CSMD2: variants seen among roughly 807,000 people sequenced by gnomAD.
CSMD2 encodes CUB and sushi domain-containing protein 2.
CSMD2 carries 130 observed loss-of-function variants against 398.5 expected under a neutral mutation model. That is an observed-to-expected ratio of 0.33 (90% confidence interval 0.28 to 0.38). The LOEUF is 0.38. CSMD2 is among the 10% of genes least tolerant of loss of function. CSMD2 has a pLI of 1.00. For missense variants in CSMD2, 3,829 were observed against 4,764.9 expected, an observed-to-expected ratio of 0.80 and a Z score of 5.78; for synonymous variants, 1,828 against 1,908.5, an observed-to-expected ratio of 0.96 and a Z score of 1.10.
chr1:34,097,173 A>G (rs1479917679), intron 1 of CSMD2, among the ~76,000 whole-genome samples: 1 of 149,718 alleles, frequency 6.7e-6, no homozygotes, highest in Non-Finnish European at 1.5e-5. Flanking sequence ...AGGATTCCCT[A>G]TTTAATAAAT....
intron 3 of CSMD2, among the ~76,000 whole-genome samples, chr1:33,946,610 C>G (rs1375088908): frequency 6.6e-6 from 1 of 151,288 alleles, no homozygotes; most frequent in Non-Finnish European, 1.5e-5. Context: ...TCTTTCTTTT[C>G]ATCTGACAAC....
At chr1:34,008,667 T>C (rs1438982834) in intron 3 of CSMD2, among the ~76,000 whole-genome samples, 1 of 152,210 alleles carries the variant, frequency 6.6e-6, no homozygotes, top group Admixed American at 6.5e-5. Context: ...CTAATAAAGT[T>C]GGAGCTTTGT....
chr1:33,923,202 A>AG (rs1570518090), intron 4 of CSMD2, among the ~76,000 whole-genome samples: 2 of 152,188 alleles, frequency 1.3e-5, no homozygotes, highest in East Asian at 3.8e-4. Flanking sequence ...GTTGAAATGT[A>AG]ATCTCCAATA....
intron 3 of CSMD2, among the ~76,000 whole-genome samples, chr1:33,999,255 C>A (rs764555919): frequency 6.6e-6 from 1 of 152,086 alleles, no homozygotes; most frequent in Non-Finnish European, 1.5e-5. Flanking sequence ...TTGGAGAGGA[C>A]GGGCAGTGGG....
chr1:33,723,703 T>G (rs904681533), intron 19 of CSMD2, among the ~76,000 whole-genome samples: 3 of 152,012 alleles, frequency 2.0e-5, no homozygotes, highest in African/African-American at 4.8e-5. Context: ...GAAGGGTGAA[T>G]GTGAAGAAGA....
chr1:33,527,145 G>C, intron 65 of CSMD2, 51 bp downstream of exon 65: 2 of 1,513,800 alleles, frequency 1.3e-6, no homozygotes, highest in Non-Finnish European at 1.8e-6. Context: ...GGCTAACTGT[G>C]TGAAAAAAGT....
At chr1:33,710,143 C>G (rs1227248111) in intron 21 of CSMD2, among the ~76,000 whole-genome samples, 1 of 152,198 alleles carries the variant, frequency 6.6e-6, no homozygotes, top group African/African-American at 2.4e-5. Flanking sequence ...GGTCGTGTTA[C>G]TGTCTCCTTA....
chr1:33,994,726 T>G (rs892342541), intron 3 of CSMD2, among the ~76,000 whole-genome samples: 1 of 152,136 alleles, frequency 6.6e-6, no homozygotes, highest in South Asian at 2.1e-4. Flanking sequence ...GGCCCAGGAA[T>G]CTAATCTCAT....
At chr1:33,957,913 C>T (rs1055006453) in intron 3 of CSMD2, among the ~76,000 whole-genome samples, 1 of 144,806 alleles carries the variant, frequency 6.9e-6, no homozygotes, top group Non-Finnish European at 1.5e-5. Flanking sequence ...CTGTACTAGA[C>T]CCATTAACTC....
chr1:34,116,115 C>T (rs1038436797), intron 1 of CSMD2, among the ~76,000 whole-genome samples: 38 of 151,880 alleles, frequency 2.5e-4, no homozygotes, highest in African/African-American at 7.5e-4. Flanking sequence ...TAATTACTTT[C>T]GATGTAAATG....
chr1:34,147,909 T>TGAGC (rs1639931354), intron 1 of CSMD2, among the ~76,000 whole-genome samples: 1 of 151,258 alleles, frequency 6.6e-6, no homozygotes, highest in Non-Finnish European at 1.5e-5. Context: ...TTCAAGAGAG[T>TGAGC]GAGCGGGTGA....
intron 25 of CSMD2, among the ~76,000 whole-genome samples, chr1:33,663,679 G>A (rs1293533256): frequency 6.6e-6 from 1 of 152,170 alleles, no homozygotes; most frequent in South Asian, 2.1e-4. Flanking sequence ...CCAGGTGGGA[G>A]TCTCCCTGTG....
At chr1:33,525,220 G>A (rs1654666439) in intron 65 of CSMD2, among the ~76,000 whole-genome samples, 177 bp from the exon 66 acceptor site, 1 of 152,102 alleles carries the variant, frequency 6.6e-6, no homozygotes, top group Admixed American at 6.6e-5. Context: ...CAGAGTGGAT[G>A]GATAGAGGGA....
intron 2 of CSMD2, among the ~76,000 whole-genome samples, chr1:34,084,300 T>C (rs1657606748): frequency 6.6e-6 from 1 of 152,160 alleles, no homozygotes; most frequent in Non-Finnish European, 1.5e-5. Context: ...CTGCTGAGTC[T>C]TCCATACTTC....
chr1:33,950,863 T>G (rs1055937286), intron 3 of CSMD2, among the ~76,000 whole-genome samples: 2 of 152,218 alleles, frequency 1.3e-5, no homozygotes, highest in African/African-American at 4.8e-5. Context: ...AGCCAAGGAT[T>G]GGGATGCGTC....
chr1:33,846,184 T>A (rs1005689109), intron 6 of CSMD2, among the ~76,000 whole-genome samples: 3 of 152,258 alleles, frequency 2.0e-5, no homozygotes, highest in African/African-American at 7.2e-5. Flanking sequence ...GCTTCTGGGT[T>A]AACCCACTCC....
intron 13 of CSMD2, among the ~76,000 whole-genome samples, chr1:33,759,314 CTTTTT>C (rs1208743357): frequency 1.9e-5 from 2 of 107,736 alleles, no homozygotes; most frequent in South Asian, 3.6e-4. Flanking sequence ...AGTTTCTTTT[CTTTTT>C]TTTTCTTTTT....
At position 33,636,064 on chromosome 1, in the gene CSMD2, C is replaced by A. The variant is rs1473121385; in HGVS notation, c.4969+296G>T. 1.3e-5 allele frequency among the ~76,000 whole-genome samples: 2 copies of A among 152,182 alleles called. No individual in the cohort carries two copies. Among genetic ancestry groups the A allele is most frequent in the African/African-American group, 4.8e-5 (2 of 41,434 alleles). On this transcript the variant is annotated intron_variant, in intron 30 of 70. Coordinates refer to ENST00000373381, the MANE Select transcript of CSMD2 (RefSeq NM_001281956.2). The surrounding 1 kb of genome is among the most constrained non-coding windows in gnomAD (Gnocchi z 4.8). ...TCCAGGAGCCACCTTTAAATGACTT[C>A]TCCCTGGTGTGAGCTCCCTGATGTG...
chr1:34,005,759 TC>T (rs1647035579), intron 3 of CSMD2, among the ~76,000 whole-genome samples: 1 of 152,182 alleles, frequency 6.6e-6, no homozygotes. Flanking sequence ...GAGTCTTTCT[TC>T]CATGGATGGC....
Sources: allele counts gnomAD v4.1 joint callset (sites outside exome capture counted in the v4.1 genomes callset), GRCh38; gene constraint gnomAD v4.1.1; non-coding constraint Gnocchi (gnomAD v3.1); transcripts MANE v1.5; gene names NCBI Gene and HGNC (gene_info 2026-07-23, HGNC 2026-07-21).